Variants in GPC5 observed in about 807,000 individuals in gnomAD.
The protein encoded by GPC5 is glypican-5.
A neutral mutation model predicts 53.9 loss-of-function variants in GPC5; 47 were observed. That is an observed-to-expected ratio of 0.87 (90% CI 0.69 to 1.11). The LOEUF (loss-of-function observed/expected upper bound fraction) is 1.11. Among genes scored for constraint, GPC5 ranks in the 50% most tolerant of loss-of-function variants. The pLI is 0.00. For missense variants in GPC5, 748 were observed against 713.1 expected, an observed-to-expected ratio of 1.05 and a Z score of -0.56; for synonymous variants, 286 against 263.3, an observed-to-expected ratio of 1.09 and a Z score of -0.84.
chr13:91,906,482 C>T (rs2039554236), intron 5 of GPC5, among the ~76,000 whole-genome samples: 1 of 152,052 alleles, frequency 6.6e-6, no homozygotes, highest in Non-Finnish European at 1.5e-5. Context: ...TTATATTACA[C>T]TATTCTGCCA....
chr13:92,690,603 C>A (rs1440757495), intron 7 of GPC5, among the ~76,000 whole-genome samples: 2 of 144,954 alleles, frequency 1.4e-5, no homozygotes, highest in African/African-American at 5.2e-5. Context: ...TGTTCTGTTG[C>A]TGGTGAGGAA....
At chr13:91,779,922 AAAAT>A (rs2037772168) in intron 5 of GPC5, among the ~76,000 whole-genome samples, 1 of 152,220 alleles carries the variant, frequency 6.6e-6, no homozygotes, top group Non-Finnish European at 1.5e-5. Flanking sequence ...AGTATACTCT[AAAAT>A]AAAGGTTAAA....
chr13:92,111,205 C>CT (rs2041554114), intron 6 of GPC5, among the ~76,000 whole-genome samples: 1 of 152,132 alleles, frequency 6.6e-6, no homozygotes. Flanking sequence ...TTACATGTGT[C>CT]TGTCTTTCTG....
chr13:92,126,062 C>T (rs970052896), intron 6 of GPC5, among the ~76,000 whole-genome samples: 23 of 146,876 alleles, frequency 1.6e-4, no homozygotes, highest in African/African-American at 5.8e-4. Context: ...TGGAGTGATT[C>T]TCCTGCCTCA....
At chr13:91,568,696 T>C (rs971758519) in intron 2 of GPC5, among the ~76,000 whole-genome samples, 4 of 151,992 alleles carry the variant, frequency 2.6e-5, no homozygotes, top group Non-Finnish European at 5.9e-5. Flanking sequence ...CACCAGTACT[T>C]ATCTTAAAAT....
chr13:92,059,071 G>A (rs9523493), intron 6 of GPC5, among the ~76,000 whole-genome samples: 84,748 of 151,956 alleles, frequency 0.56, 23,964 homozygotes, highest in East Asian at 0.79. Flanking sequence ...TGACCATTAG[G>A]ATATGTGGTT....
At chr13:92,444,715 T>TAAAAA (rs71910602) in intron 7 of GPC5, among the ~76,000 whole-genome samples, 2 of 84,220 alleles carry the variant, frequency 2.4e-5, no homozygotes, top group African/African-American at 4.4e-5. Flanking sequence ...TCCTGAAATC[T>TAAAAA]AAAAAAAAAA....
rs551449273 is a variant in GPC5 at position 91,515,885 on chromosome 13, TGGCAGGAGGTGAAA to T, written c.325+66968_325+66981del. Among the ~76,000 whole-genome samples, 58 of 152,258 alleles carry T rather than the reference TGGCAGGAGGTGAAA, an allele frequency of 3.8e-4. 1 individual carries two copies. The South Asian group carries it at 0.011, about 30-fold the overall frequency. ...TATGGCTGGGGAGGTCTCAGAATCATGGCAGGAGGTGAAAGGCACTTCTTCATGGCAGTGGCAAA... is the reference window on the plus strand; with the variant it reads ...TATGGCTGGGGAGGTCTCAGAATCATGGCACTTCTTCATGGCAGTGGCAAA... On this transcript the variant is annotated intron_variant, in intron 2 of 7. Transcript: ENST00000377067.
chr13:91,793,005 G>A (rs549435788), intron 5 of GPC5, among the ~76,000 whole-genome samples: 7 of 152,180 alleles, frequency 4.6e-5, no homozygotes, highest in African/African-American at 1.2e-4. Flanking sequence ...CCTTCAAGTC[G>A]TTCCATTGAA....
At chr13:91,664,451 ACTGT>A (rs1324529466) in intron 2 of GPC5, among the ~76,000 whole-genome samples, 3 of 152,146 alleles carry the variant, frequency 2.0e-5, no homozygotes, top group East Asian at 1.9e-4. Context: ...CACCTCCATG[ACTGT>A]CTATTTGAGA....
intron 7 of GPC5, among the ~76,000 whole-genome samples, chr13:92,750,479 G>T (rs1240541794): frequency 1.3e-5 from 2 of 152,044 alleles, no homozygotes; most frequent in Non-Finnish European, 2.9e-5. Context: ...GGCAGAAAAA[G>T]GAGAAAATGA....
chr13:91,424,334 G>T (rs1477319647), intron 1 of GPC5, among the ~76,000 whole-genome samples: 2 of 147,842 alleles, frequency 1.4e-5, no homozygotes, highest in East Asian at 3.9e-4. Flanking sequence ...GGGGTTGGTG[G>T]TCGAAGACTG....
At chr13:92,353,756 A>G (rs2043500024) in intron 7 of GPC5, among the ~76,000 whole-genome samples, 1 of 152,186 alleles carries the variant, frequency 6.6e-6, no homozygotes, top group Non-Finnish European at 1.5e-5. Flanking sequence ...TAGCAATTTT[A>G]GGGGATGGCT....
intron 2 of GPC5, among the ~76,000 whole-genome samples, chr13:91,556,557 A>G (rs867161822): frequency 3.9e-4 from 58 of 147,636 alleles, no homozygotes; most frequent in Middle Eastern, 3.6e-3. Context: ...GTGTGTGTGT[A>G]TATATATATA....
chr13:91,638,133 G>T (rs1351782005), intron 2 of GPC5, among the ~76,000 whole-genome samples: 4 of 152,190 alleles, frequency 2.6e-5, no homozygotes, highest in Non-Finnish European at 5.9e-5. Flanking sequence ...GAAGCTGAGA[G>T]AAAACAAGCA....
chr13:92,676,870 C>T, intron 7 of GPC5, among the ~76,000 whole-genome samples: 1 of 151,972 alleles, frequency 6.6e-6, no homozygotes, highest in East Asian at 1.9e-4. Flanking sequence ...TTGTTTGATA[C>T]TTAATCTAAA....
At chr13:91,895,940 T>A (rs2039436478) in intron 5 of GPC5, among the ~76,000 whole-genome samples, 1 of 152,072 alleles carries the variant, frequency 6.6e-6, no homozygotes, top group Non-Finnish European at 1.5e-5. Flanking sequence ...CTTTGAGCTC[T>A]GGCATTCCTG....
At chr13:92,568,400 T>C (rs550376179) in intron 7 of GPC5, among the ~76,000 whole-genome samples, 1 of 152,108 alleles carries the variant, frequency 6.6e-6, no homozygotes, top group Non-Finnish European at 1.5e-5. Context: ...AAAAAGACAA[T>C]TAGATTTAGT....
intron 3 of GPC5, among the ~76,000 whole-genome samples, chr13:91,698,123 G>A (rs1156402554): frequency 6.6e-6 from 1 of 151,766 alleles, no homozygotes; most frequent in African/African-American, 2.4e-5. Flanking sequence ...GGTTGGTCTC[G>A]AGCTCCTGAC....
Sources: allele counts gnomAD v4.1 joint callset (sites outside exome capture counted in the v4.1 genomes callset), GRCh38; gene constraint gnomAD v4.1.1; transcripts MANE v1.5; gene names NCBI Gene and HGNC (gene_info 2026-07-23, HGNC 2026-07-21).